Variants in TMEM132B observed in about 807,000 individuals in gnomAD.
The protein encoded by TMEM132B is transmembrane protein 132B.
TMEM132B carries 18 observed loss-of-function variants against 90.8 expected under a neutral mutation model. The observed-to-expected ratio is 0.20, with a 90% CI of 0.14 to 0.29. TMEM132B has a LOEUF of 0.29. TMEM132B is among the 10% of genes least tolerant of loss of function. TMEM132B has a pLI of 1.00. For missense variants in TMEM132B, 1,096 were observed against 1,326.8 expected, an observed-to-expected ratio of 0.83 and a Z score of 2.70; for synonymous variants, 504 against 523.3, an observed-to-expected ratio of 0.96 and a Z score of 0.50.
chr12:125,477,873 C>G (rs2136517858), intron 3 of TMEM132B, among the ~76,000 whole-genome samples: 1 of 152,246 alleles, frequency 6.6e-6, no homozygotes, highest in Non-Finnish European at 1.5e-5. Context: ...CCGGGTGCCC[C>G]TCTGAGATGA....
At position 125,462,773 on chromosome 12, in the gene TMEM132B, T is replaced by C. The variant is rs374383734; in HGVS notation, c.1106+47096T>C. On this transcript the variant is annotated intron_variant, in intron 3 of 8. Transcript: ENST00000682704. ...TGAGGATGATTACTACCAATAAAAT[T>C]TGGTTCTTCTCTCTGGAAGAAAACT... Among the ~76,000 whole-genome samples, 116 of 152,300 alleles carry C rather than the reference T, an allele frequency of 7.6e-4. 1 individual carries two copies. The highest frequency in any genetic ancestry group is 2.5e-3 in the African/African-American group (106 of 41,574).
At chr12:125,392,953 C>T (rs998659830) in intron 2 of TMEM132B, among the ~76,000 whole-genome samples, 18 of 152,144 alleles carry the variant, frequency 1.2e-4, no homozygotes, top group Non-Finnish European at 2.1e-4. Context: ...CCCCGTGATC[C>T]GATGCCAGCT....
At chr12:125,600,895 A>G (rs987288532) in intron 5 of TMEM132B, among the ~76,000 whole-genome samples, 1 of 152,172 alleles carries the variant, frequency 6.6e-6, no homozygotes, top group Non-Finnish European at 1.5e-5. Flanking sequence ...TGGTAAAGGG[A>G]TCAATTCGAC....
In TMEM132B at chr12:125,246,918, G is replaced by A. The variant is rs986669995; in HGVS notation, c.67+60052G>A. Among the ~76,000 whole-genome samples the A allele has an allele frequency of 5.3e-5, 8 of 152,004 alleles. 1 individual carries two copies. The highest frequency in any genetic ancestry group is 1.9e-4 in the African/African-American group (8 of 41,370). On this transcript the variant is annotated intron_variant, in intron 1 of 8. Transcript: ENST00000682704. The surrounding 1 kb of genome is among the most constrained non-coding windows in gnomAD (Gnocchi z 4.2). ...CCGGGAGAGCCTGGGGTTTGTGGGG[G>A]AGGTGGTGGGGGTAGGGGCACAGTC...
chr12:125,385,312 G>A (rs1158303048), intron 2 of TMEM132B, among the ~76,000 whole-genome samples: 2 of 152,062 alleles, frequency 1.3e-5, no homozygotes, highest in Non-Finnish European at 2.9e-5. Context: ...AAAAAAAACT[G>A]TGTGAGAGTT....
At chr12:125,564,787 C>T (rs1390487155) in intron 4 of TMEM132B, among the ~76,000 whole-genome samples, 1 of 152,146 alleles carries the variant, frequency 6.6e-6, no homozygotes, top group Non-Finnish European at 1.5e-5. Flanking sequence ...GTGCTAGAAC[C>T]CAGGCATTCA....
At chr12:125,337,267 C>G (rs1351535677) in intron 1 of TMEM132B, among the ~76,000 whole-genome samples, 1 of 152,146 alleles carries the variant, frequency 6.6e-6, no homozygotes, top group East Asian at 1.9e-4. Flanking sequence ...ATTTGGTTGT[C>G]ACTAGCTGCT....
intron 2 of TMEM132B, among the ~76,000 whole-genome samples, chr12:125,362,512 A>G (rs1021241728): frequency 2.6e-5 from 4 of 152,238 alleles, no homozygotes; most frequent in East Asian, 3.9e-4. Context: ...TAAAGTGTAC[A>G]GTACAGTAGT....
intron 1 of TMEM132B, among the ~76,000 whole-genome samples, chr12:125,326,317 A>G (rs572588358): frequency 1.2e-4 from 19 of 152,236 alleles, no homozygotes; most frequent in African/African-American, 4.6e-4. Context: ...TGTGTGATCT[A>G]TTGATTGCTT....
chr12:125,267,441 A>G (rs1300897738), intron 1 of TMEM132B, among the ~76,000 whole-genome samples: 2 of 152,248 alleles, frequency 1.3e-5, no homozygotes, highest in East Asian at 1.9e-4. Context: ...AGACTGGGAA[A>G]GGTAATCTCC....
chr12:125,527,040 AC>A (rs1592975136), intron 4 of TMEM132B, among the ~76,000 whole-genome samples: 4 of 140,624 alleles, frequency 2.8e-5, no homozygotes, highest in African/African-American at 1.1e-4. Flanking sequence ...CCTTCCATCC[AC>A]CCATCCACCC....
intron 1 of TMEM132B, among the ~76,000 whole-genome samples, chr12:125,203,635 A>G (rs979103754): frequency 1.3e-5 from 2 of 152,192 alleles, no homozygotes; most frequent in Non-Finnish European, 2.9e-5. Context: ...CTCATGATCT[A>G]TTGGCTGCCA....
intron 1 of TMEM132B, among the ~76,000 whole-genome samples, chr12:125,204,356 C>A (rs1428435544): frequency 7.9e-6 from 1 of 126,196 alleles, no homozygotes; most frequent in African/African-American, 2.6e-5. Flanking sequence ...TCTCGTGAAT[C>A]CTTTTGGTGA....
At position 125,522,056 on chromosome 12, in the gene TMEM132B, C is replaced by G. The variant is rs374551000; in HGVS notation, c.1293+2431C>G. 1.1e-4 allele frequency among the ~76,000 whole-genome samples: 16 copies of G among 152,312 alleles called. No homozygotes were observed. The East Asian group carries it at 1.7e-3, about 17-fold the overall frequency. On this transcript the variant is annotated intron_variant, in intron 4 of 8. Coordinates refer to ENST00000682704, the MANE Select transcript of TMEM132B (RefSeq NM_001366854.1). The stretch of plus-strand genomic sequence containing the variant: ...TATTCAGAACGTGGCCATGCCAAGT[C>G]TCGTTCCTCTCAGGTCTCCTTTTGG...
At chr12:125,429,912 C>T (rs1261675168) in intron 3 of TMEM132B, among the ~76,000 whole-genome samples, 3 of 152,316 alleles carry the variant, frequency 2.0e-5, no homozygotes, top group Non-Finnish European at 4.4e-5. Flanking sequence ...GGGCACAGTG[C>T]GTGCAGCCCA....
chr12:125,445,299 C>T lies in TMEM132B; in HGVS notation c.1106+29622C>T, dbSNP rs868038735. Among the ~76,000 whole-genome samples the T allele has an allele frequency of 1.3e-5, 2 of 152,182 alleles. No individual in the cohort carries two copies. Among genetic ancestry groups the T allele is most frequent in the East Asian group, 3.8e-4 (2 of 5,198 alleles). ...TGTGTCCTGACCCTATCACTAGAGACCTTAGGCATAGAACCCCTTGCTGCC... is the reference window on the plus strand; with the variant it reads ...TGTGTCCTGACCCTATCACTAGAGATCTTAGGCATAGAACCCCTTGCTGCC... On this transcript the variant is annotated intron_variant, in intron 3 of 8. Coordinates refer to ENST00000682704, the MANE Select transcript of TMEM132B (RefSeq NM_001366854.1). This position sits in a 1 kb window ranked among gnomAD's most constrained non-coding sequence, Gnocchi z 4.3.
At position 125,640,929 on chromosome 12, in the gene TMEM132B, GAC is replaced by G. The variant is rs60088908; in HGVS notation, c.1438-3121_1438-3120del. The stretch of plus-strand genomic sequence containing the variant: ...TGAACCTTTGCTTGTAGGAGAAATA[GAC>G]ACACACACACACACACACACACACA... On this transcript the variant is annotated intron_variant, in intron 5 of 8. Coordinates refer to ENST00000682704, the MANE Select transcript of TMEM132B (RefSeq NM_001366854.1). Among the ~76,000 whole-genome samples the G allele has an allele frequency of 1.4e-3, 214 of 149,250 alleles. 1 individual carries two copies. Among genetic ancestry groups the G allele is most frequent in the Middle Eastern group, 0.014 (4 of 280 alleles).
intron 1 of TMEM132B, among the ~76,000 whole-genome samples, chr12:125,267,112 G>A (rs1173104182): frequency 6.6e-6 from 1 of 152,184 alleles, no homozygotes; most frequent in Non-Finnish European, 1.5e-5. Context: ...ACCTCAACGT[G>A]CAGTGGCTCA....
intron 5 of TMEM132B, chr12:125,584,571 C>A (rs916641056): frequency 2.6e-5 from 4 of 152,446 alleles, no homozygotes; most frequent in African/African-American, 7.3e-5. Flanking sequence ...AATAACTATT[C>A]AAATAAAATT....
Sources: allele counts gnomAD v4.1 joint callset (sites outside exome capture counted in the v4.1 genomes callset), GRCh38; gene constraint gnomAD v4.1.1; non-coding constraint Gnocchi (gnomAD v3.1); transcripts MANE v1.5; gene names NCBI Gene and HGNC (gene_info 2026-07-23, HGNC 2026-07-21).